PDE3B: variants seen among roughly 807,000 people sequenced by gnomAD.
PDE3B encodes the protein cGMP-inhibited 3',5'-cyclic phosphodiesterase 3B.
PDE3B carries 66 observed loss-of-function variants against 116.8 expected under a neutral mutation model. That is an observed-to-expected ratio of 0.56 (90% CI 0.46 to 0.69). The LOEUF is 0.69. Ranked by LOEUF, PDE3B falls within the 30% of genes least tolerant of loss-of-function variation. The probability of loss-of-function intolerance (pLI) is 0.00; values close to 1 mark genes in which losing one functional copy is unlikely to be tolerated. For synonymous variants in PDE3B, 595 were observed against 533.6 expected (o/e 1.12, Z -1.59); for missense variants, 1,384 against 1,368.1 (o/e 1.01, Z -0.18).
At chr11:14,848,901 G>C (rs1248963829) in intron 12 of PDE3B, among the ~76,000 whole-genome samples, 1 of 152,130 alleles carries the variant, frequency 6.6e-6, no homozygotes. Context: ...TATGAAAATG[G>C]CCTTACTGCC....
chr11:14,652,180 C>T (rs1307533328), intron 1 of PDE3B, among the ~76,000 whole-genome samples: 2 of 152,038 alleles, frequency 1.3e-5, no homozygotes, highest in Admixed American at 6.5e-5. Flanking sequence ...AATGGTCCAA[C>T]TTTATTCTTT....
At chr11:14,872,469 G>C (rs782666500), downstream of PDE3B, among the ~76,000 whole-genome samples, 1 of 152,164 alleles carries the variant, frequency 6.6e-6, no homozygotes, top group Non-Finnish European at 1.5e-5. Context: ...AAGAGATTTA[G>C]GGTGGCTGGA....
At position 14,667,794 on chromosome 11, in the gene PDE3B, A is replaced by G. The variant is rs188198602; in HGVS notation, c.978+22741A>G. The stretch of plus-strand genomic sequence containing the variant: ...CATGGCACATATATACATATGTAAC[A>G]AACTTGCACGTTGTGCACATGTACC... On this transcript the variant is annotated intron_variant, in intron 1 of 15. Transcript: ENST00000282096. Among the ~76,000 whole-genome samples the G allele has an allele frequency of 3.8e-3, 569 of 151,172 alleles. 1 individual carries two copies. The highest frequency in any genetic ancestry group is 5.8e-3 in the Non-Finnish European group (390 of 67,766).
At chr11:14,892,452 A>G in the PDE3B span, among the ~76,000 whole-genome samples, 1 of 152,206 alleles carries the variant, frequency 6.6e-6, no homozygotes, top group East Asian at 1.9e-4. Context: ...AGGCGGAGCA[A>G]TGAGCCAGGA....
At chr11:14,845,103 T>G (rs944835894) in intron 12 of PDE3B, among the ~76,000 whole-genome samples, 1 of 151,976 alleles carries the variant, frequency 6.6e-6, no homozygotes, top group African/African-American at 2.4e-5. Flanking sequence ...AGGGGCAGAC[T>G]GACACCTCAC....
intron 5 of PDE3B, among the ~76,000 whole-genome samples, chr11:14,810,976 G>C (rs1360910002): frequency 6.6e-6 from 1 of 151,536 alleles, no homozygotes; most frequent in Non-Finnish European, 1.5e-5. Flanking sequence ...CTTTTGAGAA[G>C]TGTCTGTTCA....
intron 5 of PDE3B, among the ~76,000 whole-genome samples, chr11:14,815,940 C>T (rs1288311969): frequency 2.3e-5 from 3 of 130,652 alleles, no homozygotes; most frequent in East Asian, 4.5e-4. Flanking sequence ...TATATTTATA[C>T]ACACACACAC....
chr11:14,644,806 T>A lies in PDE3B; in HGVS notation c.731T>A (p.Leu244His). The change falls in exon 1 of 16, where the codon CTC becomes CAC. Residue 244 changes from leucine (L) to histidine (H), a missense_variant. By Grantham distance (99) the Leu-to-His change is moderately conservative (BLOSUM62 -3). Transcript: ENST00000282096. ...FTSLGSLPSA[L>H]RPLLSGLVGG... is the part of the protein sequence containing the mutation. Reference sequence around the variant, plus strand: ...AGCCTCGGGTCGCTGCCCTCCGCCCTCAGGCCGCTGCTCTCCGGCCTGGTG... The same window carrying A: ...AGCCTCGGGTCGCTGCCCTCCGCCCACAGGCCGCTGCTCTCCGGCCTGGTG... The A allele has an allele frequency of 1.2e-6, 2 of 1,611,290 alleles. No individual in the cohort carries two copies. Among genetic ancestry groups the A allele is most frequent in the Non-Finnish European group, 1.7e-6 (2 of 1,178,584 alleles).
chr11:14,749,626 A>G (rs913332205), intron 1 of PDE3B, among the ~76,000 whole-genome samples: 2 of 151,784 alleles, frequency 1.3e-5, no homozygotes, highest in African/African-American at 4.8e-5. Flanking sequence ...TTCTCTAAAT[A>G]AATACTTTTG....
At chr11:14,836,760 T>A (rs1330215857) in intron 11 of PDE3B, among the ~76,000 whole-genome samples, 1 of 152,234 alleles carries the variant, frequency 6.6e-6, no homozygotes, top group Non-Finnish European at 1.5e-5. Context: ...AGAATTTGTT[T>A]CCTTGCCTCC....
chr11:14,828,797 A>T (rs1006351449), intron 7 of PDE3B, among the ~76,000 whole-genome samples: 1 of 152,218 alleles, frequency 6.6e-6, no homozygotes, highest in African/African-American at 2.4e-5. Flanking sequence ...TGACCCAGCA[A>T]TCCCATTACT....
rs577752796 is a variant in PDE3B, at chr11:14,820,358, A to C, written c.1807+1149A>C. On this transcript the variant is annotated intron_variant, in intron 7 of 15. Transcript: ENST00000282096. ...ATTCTAAGTGAAAGAAGCCAGGCCC[A>C]AAAGATCATATATTATATGATTACA... Among the ~76,000 whole-genome samples the C allele has an allele frequency of 2.6e-5, 4 of 152,230 alleles. No homozygotes were observed. In the East Asian group the frequency reaches 5.8e-4, roughly 22 times the overall value.
intron 7 of PDE3B, among the ~76,000 whole-genome samples, chr11:14,829,598 C>G (rs996147018): frequency 2.0e-5 from 3 of 151,972 alleles, no homozygotes; most frequent in Admixed American, 6.6e-5. Context: ...AACATAGGAA[C>G]AGAAAACCAA....
chr11:14,886,478 T>C, the PDE3B span: 1 of 154,922 alleles, frequency 6.5e-6, no homozygotes, highest in Non-Finnish European at 1.4e-5. Flanking sequence ...TGAAGAGGGC[T>C]CTAAGGGAAC....
intron 1 of PDE3B, among the ~76,000 whole-genome samples, chr11:14,713,692 CTTTACA>C: frequency 9.0e-6 from 1 of 110,840 alleles, no homozygotes; most frequent in Non-Finnish European, 1.8e-5. Flanking sequence ...AATAAAAAAT[CTTTACA>C]CACACACACA....
chr11:14,672,385 TAC>T (rs980658091), intron 1 of PDE3B, among the ~76,000 whole-genome samples: 7 of 152,090 alleles, frequency 4.6e-5, no homozygotes, highest in African/African-American at 1.7e-4. Flanking sequence ...TCCCATACTT[TAC>T]ACACAGAATG....
intron 14 of PDE3B, among the ~76,000 whole-genome samples, chr11:14,863,425 A>AT (rs1847986284): frequency 6.6e-6 from 1 of 152,082 alleles, no homozygotes; most frequent in Admixed American, 6.5e-5. Context: ...TTTTATTTGC[A>AT]TTTCTCTAAT....
intron 1 of PDE3B, among the ~76,000 whole-genome samples, chr11:14,733,554 A>G (rs1856518960): frequency 6.6e-6 from 1 of 152,190 alleles, no homozygotes; most frequent in Admixed American, 6.5e-5. Flanking sequence ...TCTTCAAGCT[A>G]GGGTTATGGG....
At chr11:14,790,730 T>G (rs1317579091) in intron 4 of PDE3B, among the ~76,000 whole-genome samples, 3 of 152,096 alleles carry the variant, frequency 2.0e-5, no homozygotes, top group Admixed American at 1.3e-4. Flanking sequence ...GGAGAATAAA[T>G]TAATTGGTGG....
Sources: allele counts gnomAD v4.1 joint callset (sites outside exome capture counted in the v4.1 genomes callset), GRCh38; gene constraint gnomAD v4.1.1; transcripts MANE v1.5; gene names NCBI Gene and HGNC (gene_info 2026-07-23, HGNC 2026-07-21).